GLB1L2: variants seen among roughly 807,000 people sequenced by gnomAD.
GLB1L2 encodes the protein galactosidase beta 1 like 2, also known as beta-galactosidase-1-like protein 2.
A neutral mutation model predicts 84.1 loss-of-function variants in GLB1L2; 68 were observed. That is an observed-to-expected ratio of 0.81 (90% CI 0.67 to 0.99). The LOEUF (loss-of-function observed/expected upper bound fraction) is 0.99, where lower values mean the gene tolerates loss of function less well. Ranked by LOEUF, GLB1L2 falls within the 50% of genes least tolerant of loss-of-function variation. The probability of loss-of-function intolerance (pLI) is 0.00; values close to 1 mark genes in which losing one functional copy is unlikely to be tolerated. For missense variants in GLB1L2, 762 were observed against 805.6 expected (o/e 0.95, Z 0.66); for synonymous variants, 290 against 318.0 (o/e 0.91, Z 0.94).
rs1355335017 is a variant in GLB1L2 at position 134,370,783 on chromosome 11, TG to T, written c.1216-224del. Among the ~76,000 whole-genome samples, 1 of 152,176 alleles carries T rather than the reference TG, an allele frequency of 6.6e-6. No homozygotes were observed. The highest frequency in any genetic ancestry group is 2.4e-5 in the African/African-American group (1 of 41,440). ...CTCCTCCGGCGGACTGAGGCTGTGA[TG>T]TGTGTCCCCTGCCTGCGGACTGCAC... On this transcript the variant is annotated intron_variant, in intron 12 of 18. Coordinates refer to ENST00000535456, the MANE Select transcript of GLB1L2 (RefSeq NM_001370461.1). This position sits in a 1 kb window ranked among gnomAD's most constrained non-coding sequence, Gnocchi z 4.7.
chr11:134,373,657 C>G lies in GLB1L2; in HGVS notation c.1508-64C>G, dbSNP rs1943986282. 6 of 1,073,860 alleles carry G rather than the reference C, an allele frequency of 5.6e-6. No homozygotes were observed. In the Admixed American group the frequency reaches 1.1e-4, roughly 20 times the overall value. The allele number at this position is 1,073,860 out of a possible 1,614,324, so 66.5% of individuals were successfully genotyped here. ...AGCTTCCCAGGGCTTCCCCTCGTGG[C>G]CCCGGCCCAGCTGACTCGGCCCCTG... On this transcript the variant is annotated intron_variant, in intron 15 of 18. Transcript: ENST00000535456.
At chr11:134,333,582 G>A (rs762942924) in intron 1 of GLB1L2, among the ~76,000 whole-genome samples, 1 of 152,196 alleles carries the variant, frequency 6.6e-6, no homozygotes, top group African/African-American at 2.4e-5. Context: ...GGCTTGAGAT[G>A]GGCTGAGTGG....
intron 5 of GLB1L2, among the ~76,000 whole-genome samples, chr11:134,355,331 CT>C (rs949903155): frequency 4.6e-5 from 7 of 152,256 alleles, no homozygotes; most frequent in African/African-American, 1.2e-4. Context: ...TCTTCAGATA[CT>C]GCTTTTGGAG....
At chr11:134,342,565 C>G (rs984203172) in intron 1 of GLB1L2, among the ~76,000 whole-genome samples, 189 bp from the exon 2 acceptor site, 3 of 152,216 alleles carry the variant, frequency 2.0e-5, no homozygotes, top group African/African-American at 7.2e-5. Context: ...CTGCCCTTCC[C>G]CTGCCGCGGG....
At chr11:134,348,695 A>C (rs1323579633) in intron 5 of GLB1L2, among the ~76,000 whole-genome samples, 3 of 152,204 alleles carry the variant, frequency 2.0e-5, no homozygotes, top group African/African-American at 7.2e-5. Flanking sequence ...TCATCTCCAC[A>C]GCCTTAGTTC....
Position 134,356,290 on chromosome 11 carries a change from T to C in GLB1L2, c.559-11T>C. The C allele has an allele frequency of 6.2e-7, 1 of 1,612,360 alleles. No individual in the cohort carries two copies. Among genetic ancestry groups the C allele is most frequent in the Non-Finnish European group, 8.5e-7 (1 of 1,178,460 alleles). On this transcript the variant is annotated splice_polypyrimidine_tract_variant and intron_variant, in intron 5 of 18. Coordinates refer to ENST00000535456, the MANE Select transcript of GLB1L2 (RefSeq NM_001370461.1). ...ACACTCAGCTCCTGGTTTTCTGTCTTTTCTCCGCAGTACAAGCGTGGGGGA... is the reference window on the plus strand; with the variant it reads ...ACACTCAGCTCCTGGTTTTCTGTCTCTTCTCCGCAGTACAAGCGTGGGGGA...
intron 7 of GLB1L2, chr11:134,361,222 A>AAG (rs956118503): frequency 1.3e-5 from 2 of 151,988 alleles, no homozygotes; most frequent in African/African-American, 2.4e-5. Context: ...GCTACTTGGG[A>AAG]GGCTGAGGCA....
intron 1 of GLB1L2, among the ~76,000 whole-genome samples, chr11:134,340,343 G>A (rs1943444676): frequency 1.3e-5 from 2 of 152,104 alleles, no homozygotes; most frequent in Admixed American, 6.6e-5. Context: ...AAATGCCCCT[G>A]TTTTTAAGAA....
chr11:134,345,553 C>G (rs1330179455), intron 4 of GLB1L2, among the ~76,000 whole-genome samples: 2 of 152,228 alleles, frequency 1.3e-5, no homozygotes, highest in African/African-American at 2.4e-5. Context: ...TTACTGCAAC[C>G]TCCGCCTCCC....
rs201456055 is a variant in GLB1L2, at chr11:134,332,093, C to T, written c.32C>T (p.Ala11Val). 6.9e-6 allele frequency: 11 copies of T among 1,589,524 alleles called. No individual in the cohort carries two copies. The highest frequency in any genetic ancestry group is 2.3e-5 in the East Asian group (1 of 43,074). Residue 11 changes from alanine to valine, a missense_variant, in exon 1 of 19, where the codon GCC (alanine) becomes GTC (valine). Coordinates refer to ENST00000535456, the MANE Select transcript of GLB1L2 (RefSeq NM_001370461.1). ...ACGTGGAGCCTCCGGCGGAGGCCGGCCCGCACGCTGGGACTCCTGCTGCTG... is the reference window on the plus strand; with the variant it reads ...ACGTGGAGCCTCCGGCGGAGGCCGGTCCGCACGCTGGGACTCCTGCTGCTG... MTTWSLRRRP[A>V]RTLGLLLLVV...
rs1206352631 is a variant in GLB1L2, at chr11:134,356,342, T to G, written c.600T>G (p.Asn200Lys). Residue 200 changes from asparagine (N) to lysine (K), a missense_variant, in exon 6 of 19, where the codon AAT becomes AAG. Transcript: ENST00000535456. Reference protein sequence around the residue: ...GGPIIAVQVENEYGSYNKDPA... With the variant: ...GGPIIAVQVEKEYGSYNKDPA... ...CTATCATTGCCGTGCAGGTGGAGAA[T>G]GAATATGGTTCCTATAATAAAGACC... is the stretch of plus-strand genomic sequence containing the variant. 2 of 1,614,138 alleles carry G rather than the reference T, an allele frequency of 1.2e-6. No individual in the cohort carries two copies. Among genetic ancestry groups the G allele is most frequent in the East Asian group, 4.5e-5 (2 of 44,884 alleles).
chr11:134,336,840 C>A (rs1431580680), intron 1 of GLB1L2, among the ~76,000 whole-genome samples: 1 of 152,112 alleles, frequency 6.6e-6, no homozygotes, highest in Non-Finnish European at 1.5e-5. Context: ...AGATCAGGGG[C>A]TTGTTATCAA....
Position 134,370,912 on chromosome 11 carries a change from C to T in GLB1L2, c.1216-96C>T, listed in dbSNP as rs1349218204. The T allele has an allele frequency of 2.8e-6, 4 of 1,407,836 alleles. No individual in the cohort carries two copies. Among genetic ancestry groups the T allele is most frequent in the Non-Finnish European group, 3.9e-6 (4 of 1,020,498 alleles). The allele number at this position is 1,407,836 out of a possible 1,614,324, so 87.2% of individuals were successfully genotyped here. A position where few individuals can be genotyped will look rare whatever the true frequency, so the allele number is the denominator to read the frequency against. On this transcript the variant is annotated intron_variant, in intron 12 of 18. Transcript: ENST00000535456. This position sits in a 1 kb window ranked among gnomAD's most constrained non-coding sequence, Gnocchi z 4.7. ...TCAAAGTAGAAAACACCCACCAAACCTCCGCTTCCACCCCATGTGCCAGCC... is the reference window on the plus strand; with the variant it reads ...TCAAAGTAGAAAACACCCACCAAACTTCCGCTTCCACCCCATGTGCCAGCC...
chr11:134,368,851 G>A, intron 10 of GLB1L2, 70 bp downstream of exon 10: 1 of 1,548,592 alleles, frequency 6.5e-7, no homozygotes, highest in Non-Finnish European at 8.8e-7. Context: ...GCTATGGAGA[G>A]GCCCTCAGGG....
intron 1 of GLB1L2, among the ~76,000 whole-genome samples, chr11:134,342,215 T>C (rs867317243): frequency 6.6e-6 from 1 of 152,044 alleles, no homozygotes; most frequent in Non-Finnish European, 1.5e-5. Flanking sequence ...TGGGGGACTC[T>C]GCTCTAGCTG....
rs780897601 is a variant in GLB1L2 at position 134,370,325 on chromosome 11, C to T, written c.1141C>T (p.Pro381Ser). 2.5e-6 allele frequency: 4 copies of T among 1,613,940 alleles called. No homozygotes were observed. Among genetic ancestry groups the T allele is most frequent in the Non-Finnish European group, 3.4e-6 (4 of 1,179,966 alleles). The change falls in exon 12 of 19, where the codon CCC (proline) becomes TCC (serine). Residue 381 changes from proline to serine, a missense_variant. Pro to Ser is a moderately conservative substitution (Grantham distance 74). Transcript: ENST00000535456. The surrounding 1 kb of genome is among the most constrained non-coding windows in gnomAD (Gnocchi z 4.7). ...IPLPPPPDLL[P>S]KMPYEPLTPV... ...TCTCCCTCCCCCACCTGACCTTCTTCCCAAGATGCCGTATGAGCCCTTAAC... is the reference window on the plus strand; with the variant it reads ...TCTCCCTCCCCCACCTGACCTTCTTTCCAAGATGCCGTATGAGCCCTTAAC...
At chr11:134,347,072 C>T (rs1191241547) in intron 4 of GLB1L2, 1 of 474,532 alleles carries the variant, frequency 2.1e-6, no homozygotes, top group African/African-American at 1.9e-5. Flanking sequence ...CAGCCAGGCC[C>T]TGTAGCTGTG....
At chr11:134,333,314 T>C (rs895130771) in intron 1 of GLB1L2, among the ~76,000 whole-genome samples, 1 of 152,196 alleles carries the variant, frequency 6.6e-6, no homozygotes, top group African/African-American at 2.4e-5. Context: ...CTGTCCTGCC[T>C]AAGATCTCTA....
intron 15 of GLB1L2, among the ~76,000 whole-genome samples, chr11:134,372,097 G>A (rs1164170477): frequency 6.6e-6 from 1 of 152,216 alleles, no homozygotes; most frequent in Non-Finnish European, 1.5e-5. Flanking sequence ...TCTCCCCTGG[G>A]CTGCAGTCGG....
Sources: gnomAD v4.1 joint callset for allele counts (sites outside exome capture counted in the v4.1 genomes callset) on GRCh38, gnomAD v4.1.1 for gene constraint, Gnocchi (gnomAD v3.1) non-coding constraint, MANE v1.5 for transcripts, NCBI Gene and HGNC (gene_info 2026-07-23, HGNC 2026-07-21) for gene names.